EXOC6B: variants seen among roughly 807,000 people sequenced by gnomAD.
The protein encoded by EXOC6B is SEC15 homolog B.
EXOC6B carries 54 observed loss-of-function variants against 113.5 expected under a neutral mutation model. That is an observed-to-expected ratio of 0.48 (90% CI 0.38 to 0.60). The LOEUF (loss-of-function observed/expected upper bound fraction) is 0.60, where lower values mean the gene tolerates loss of function less well. Among genes scored for constraint, EXOC6B ranks in the 20% least tolerant of loss-of-function variants. The pLI, the probability that EXOC6B is intolerant of heterozygous loss-of-function variation, is 0.00. For missense variants in EXOC6B, 797 were observed against 977.5 expected, an observed-to-expected ratio of 0.82 and a Z score of 2.46; for synonymous variants, 357 against 339.0, an observed-to-expected ratio of 1.05 and a Z score of -0.58.
chr2:72,402,015 G>T (rs531541688), intron 18 of EXOC6B, among the ~76,000 whole-genome samples: 5 of 151,652 alleles, frequency 3.3e-5, no homozygotes, highest in Admixed American at 3.3e-4. Flanking sequence ...CAAAAAAATG[G>T]CCTCATAGAA....
intron 20 of EXOC6B, among the ~76,000 whole-genome samples, chr2:72,240,640 C>G (rs1477136477): frequency 6.6e-6 from 1 of 152,144 alleles, no homozygotes; most frequent in Non-Finnish European, 1.5e-5. Context: ...GGTCAGACCC[C>G]TGGCCTACAA....
At chr2:72,361,526 A>G (rs949856737) in intron 19 of EXOC6B, among the ~76,000 whole-genome samples, 5 of 152,204 alleles carry the variant, frequency 3.3e-5, no homozygotes, top group Admixed American at 6.5e-5. Context: ...CCAAAGGTGG[A>G]TAATTAATTA....
chr2:72,496,611 G>A (rs897152393), intron 13 of EXOC6B, 52 bp from the exon 14 acceptor site: 6 of 1,105,348 alleles, frequency 5.4e-6, no homozygotes, highest in Non-Finnish European at 6.8e-6. Flanking sequence ...AAAGTGGGGG[G>A]GTAGGGGAGG....
At chr2:72,441,986 T>C (rs562422450) in intron 18 of EXOC6B, among the ~76,000 whole-genome samples, 1 of 152,310 alleles carries the variant, frequency 6.6e-6, no homozygotes, top group East Asian at 1.9e-4. Flanking sequence ...TGATGAACAT[T>C]GATGCAAAAA....
rs992331785 is a variant in EXOC6B at position 72,676,501 on chromosome 2, G to A, written c.669+41602C>T. ...AACTTTTAGCCCTACATATTACGCA[G>A]TAAGAAAAAAAAATACATCTTTTAA... On this transcript the variant is annotated intron_variant, in intron 6 of 21. Transcript: ENST00000272427. Among the ~76,000 whole-genome samples the A allele has an allele frequency of 3.3e-5, 5 of 152,030 alleles. No homozygotes were observed. The East Asian group carries it at 5.8e-4, about 18-fold the overall frequency.
chr2:72,289,516 C>G (rs1685654564), intron 20 of EXOC6B, among the ~76,000 whole-genome samples: 1 of 152,020 alleles, frequency 6.6e-6, no homozygotes, highest in Admixed American at 6.6e-5. Context: ...CTGAAAACAG[C>G]TGGGTGCTGT....
intron 7 of EXOC6B, among the ~76,000 whole-genome samples, chr2:72,565,009 C>T (rs1325968969): frequency 1.3e-5 from 2 of 152,106 alleles, no homozygotes; most frequent in East Asian, 3.9e-4. Flanking sequence ...TGCAAAAAAC[C>T]TGTGCCCAAA....
chr2:72,656,514 A>C (rs946695902), intron 6 of EXOC6B, among the ~76,000 whole-genome samples: 2 of 152,178 alleles, frequency 1.3e-5, no homozygotes, highest in Admixed American at 6.5e-5. Flanking sequence ...AAAAAGAAAT[A>C]AAACAGTCAA....
chr2:72,724,229 G>T (rs77997684), intron 5 of EXOC6B, among the ~76,000 whole-genome samples: 5,571 of 152,206 alleles, frequency 0.037, 319 homozygotes, highest in African/African-American at 0.12. Context: ...AGACCAGCCA[G>T]GGGAAGGTAA....
intron 18 of EXOC6B, among the ~76,000 whole-genome samples, chr2:72,417,547 G>A (rs971171779): frequency 2.6e-5 from 4 of 152,128 alleles, no homozygotes; most frequent in Admixed American, 1.3e-4. Flanking sequence ...ATTTGTAAGA[G>A]TCAGATGTTA....
intron 6 of EXOC6B, among the ~76,000 whole-genome samples, chr2:72,595,270 T>C (rs1670001133): frequency 6.9e-6 from 1 of 145,790 alleles, no homozygotes. Context: ...CAAATATATA[T>C]ATATAGATAT....
At chr2:72,194,110 T>G (rs1228879106) in intron 20 of EXOC6B, among the ~76,000 whole-genome samples, 1 of 152,162 alleles carries the variant, frequency 6.6e-6, no homozygotes, top group Non-Finnish European at 1.5e-5. Flanking sequence ...TTCTCTCAGA[T>G]GTAAGGCATT....
chr2:72,347,674 T>C (rs1387915146), intron 19 of EXOC6B, among the ~76,000 whole-genome samples: 2 of 152,188 alleles, frequency 1.3e-5, no homozygotes, highest in Non-Finnish European at 2.9e-5. Flanking sequence ...TTTGAAATTA[T>C]TGAGATATTT....
intron 16 of EXOC6B, among the ~76,000 whole-genome samples, chr2:72,491,264 C>T (rs964229953): frequency 1.3e-5 from 2 of 152,066 alleles, no homozygotes; most frequent in Admixed American, 6.6e-5. Context: ...AAGTAGAACT[C>T]AATCACTTCC....
At chr2:72,651,529 G>A (rs533042655) in intron 6 of EXOC6B, among the ~76,000 whole-genome samples, 3 of 152,300 alleles carry the variant, frequency 2.0e-5, no homozygotes, top group African/African-American at 7.2e-5. Flanking sequence ...AGTAATTGCA[G>A]TTTTCAGCCA....
intron 17 of EXOC6B, among the ~76,000 whole-genome samples, chr2:72,479,722 C>T (rs1416753225): frequency 6.6e-6 from 1 of 152,078 alleles, no homozygotes; most frequent in African/African-American, 2.4e-5. Flanking sequence ...TAAAGCTGCT[C>T]TAAGCTATAG....
At chr2:72,720,678 G>A (rs557846060) in intron 5 of EXOC6B, among the ~76,000 whole-genome samples, 4 of 152,062 alleles carry the variant, frequency 2.6e-5, no homozygotes, top group South Asian at 4.2e-4. Context: ...ACTTAAACCC[G>A]GGTGGGCAGA....
At chr2:72,778,993 T>A (rs1471771929) in intron 1 of EXOC6B, among the ~76,000 whole-genome samples, 1 of 152,144 alleles carries the variant, frequency 6.6e-6, no homozygotes, top group Non-Finnish European at 1.5e-5. Context: ...ATATATAGTA[T>A]GTATAGTATA....
intron 20 of EXOC6B, among the ~76,000 whole-genome samples, chr2:72,239,159 GGGATT>G: frequency 6.6e-6 from 1 of 152,302 alleles, no homozygotes; most frequent in African/African-American, 2.4e-5. Flanking sequence ...TCAAAGTGCT[GGGATT>G]ATGAGCGTGA....
Sources: gnomAD v4.1 joint callset for allele counts (sites outside exome capture counted in the v4.1 genomes callset) on GRCh38, gnomAD v4.1.1 for gene constraint, MANE v1.5 for transcripts, NCBI Gene and HGNC (gene_info 2026-07-23, HGNC 2026-07-21) for gene names.